GABRG3: variants seen among roughly 807,000 people sequenced by gnomAD.
GABRG3 encodes gamma-aminobutyric acid receptor subunit gamma-3.
A neutral mutation model predicts 48.8 loss-of-function variants in GABRG3; 25 were observed. The observed-to-expected ratio is 0.51, with a 90% CI of 0.37 to 0.72. GABRG3 has a LOEUF of 0.72. GABRG3 is among the 30% of genes least tolerant of loss of function. The pLI is 0.00. For synonymous variants in GABRG3, 227 were observed against 217.6 expected (o/e 1.04, Z -0.38); for missense variants, 394 against 577.9 (o/e 0.68, Z 3.26).
At chr15:27,235,341 C>T (rs774466508) in intron 3 of GABRG3, among the ~76,000 whole-genome samples, 3 of 152,158 alleles carry the variant, frequency 2.0e-5, no homozygotes, top group Non-Finnish European at 4.4e-5. Flanking sequence ...GGTGAACCGC[C>T]ACAGCCCAGC....
At chr15:27,407,385 C>T (rs576416438) in intron 5 of GABRG3, among the ~76,000 whole-genome samples, 96 of 152,308 alleles carry the variant, frequency 6.3e-4, no homozygotes, top group Admixed American at 1.4e-3. Flanking sequence ...TGGTAGCACA[C>T]TTTGGAGACA....
At chr15:27,338,283 C>T (rs1383878143) in intron 5 of GABRG3, among the ~76,000 whole-genome samples, 1 of 152,154 alleles carries the variant, frequency 6.6e-6, no homozygotes, top group East Asian at 1.9e-4. Context: ...TTCTTGTGGA[C>T]GTGCTGTTAA....
At position 27,308,570 on chromosome 15, in the gene GABRG3, C is replaced by T. The variant is rs1892840813; in HGVS notation, c.271-18239C>T. On this transcript the variant is annotated intron_variant, in intron 3 of 9. Coordinates refer to ENST00000615808, the MANE Select transcript of GABRG3 (RefSeq NM_033223.5). Reference sequence around the variant, plus strand: ...ATGTAAACATACATGTTTATATAAACATAATGTAAACATACATTTATATAT... The same window carrying T: ...ATGTAAACATACATGTTTATATAAATATAATGTAAACATACATTTATATAT... Among the ~76,000 whole-genome samples the T allele has an allele frequency of 8.2e-5, 12 of 146,520 alleles. 1 individual carries two copies. The South Asian group carries it at 2.7e-3, about 33-fold the overall frequency.
At chr15:27,231,399 C>T (rs1418929259) in intron 3 of GABRG3, among the ~76,000 whole-genome samples, 3 of 152,208 alleles carry the variant, frequency 2.0e-5, no homozygotes, top group Non-Finnish European at 4.4e-5. Flanking sequence ...CTTTGCAGAA[C>T]AAAGCTTGAA....
At chr15:26,977,739 G>T (rs1894978877) in intron 2 of GABRG3, among the ~76,000 whole-genome samples, 1 of 152,094 alleles carries the variant, frequency 6.6e-6, no homozygotes, top group Non-Finnish European at 1.5e-5. Context: ...GGAACATTTT[G>T]ATTGTTTCCT....
At chr15:27,287,305 T>C (rs551195779) in intron 3 of GABRG3, among the ~76,000 whole-genome samples, 1 of 152,214 alleles carries the variant, frequency 6.6e-6, no homozygotes, top group Non-Finnish European at 1.5e-5. Flanking sequence ...GCCAAAGGTA[T>C]GGACCAGGGA....
intron 5 of GABRG3, among the ~76,000 whole-genome samples, chr15:27,429,544 A>G (rs1468709380): frequency 2.0e-5 from 3 of 152,146 alleles, no homozygotes; most frequent in Non-Finnish European, 4.4e-5. Context: ...TATTTTCATC[A>G]CCCTAAAAAT....
intron 5 of GABRG3, among the ~76,000 whole-genome samples, chr15:27,419,690 A>G (rs116478657): frequency 3.3e-5 from 5 of 152,294 alleles, no homozygotes; most frequent in Non-Finnish European, 5.9e-5. Context: ...GATTTTCACT[A>G]AAGGAGAAAA....
intron 5 of GABRG3, among the ~76,000 whole-genome samples, chr15:27,337,009 A>G (rs1004261554): frequency 6.6e-6 from 1 of 152,220 alleles, no homozygotes; most frequent in East Asian, 1.9e-4. Flanking sequence ...TATTTAAAAA[A>G]TGAAAGAAGA....
rs1441536732 is a variant in GABRG3, at chr15:27,216,777, A to ATTT, written c.271-110032_271-110031insTTT. Among the ~76,000 whole-genome samples the ATTT allele has an allele frequency of 8.8e-3, 524 of 59,854 alleles. 2 individuals carry two copies. The highest frequency in any genetic ancestry group is 0.034 in the African/African-American group (475 of 13,932). 39.3% of individuals were successfully genotyped at this position (59,854 alleles called of 152,430 possible). A position where few individuals can be genotyped will look rare whatever the true frequency, so the allele number is the denominator to read the frequency against. On this transcript the variant is annotated intron_variant, in intron 3 of 9. Transcript: ENST00000615808. ...TTATTTATTTATTTATTTATTTTTT[A>ATTT]ATTTTTTTTTTTATTATACTCTAAG...
chr15:27,417,771 G>A (rs937681988), intron 5 of GABRG3, among the ~76,000 whole-genome samples: 1 of 152,194 alleles, frequency 6.6e-6, no homozygotes, highest in Non-Finnish European at 1.5e-5. Context: ...CTGGGCAGGG[G>A]TTCCCTTTGT....
At chr15:27,485,729 G>T (rs550009143) in intron 6 of GABRG3, among the ~76,000 whole-genome samples, 1 of 152,044 alleles carries the variant, frequency 6.6e-6, no homozygotes, top group Non-Finnish European at 1.5e-5. Context: ...AATAACACAG[G>T]TATCTGACTT....
intron 2 of GABRG3, among the ~76,000 whole-genome samples, chr15:27,019,554 A>G (rs1468602767): frequency 6.6e-6 from 1 of 152,240 alleles, no homozygotes; most frequent in Non-Finnish European, 1.5e-5. Flanking sequence ...CAAACTGCTT[A>G]TGACAGTGCC....
chr15:27,438,489 C>T (rs1436079843), intron 5 of GABRG3, among the ~76,000 whole-genome samples: 1 of 152,214 alleles, frequency 6.6e-6, no homozygotes, highest in Non-Finnish European at 1.5e-5. Flanking sequence ...CTTGGGAAAA[C>T]TACGAAATGC....
In GABRG3 at chr15:27,388,391, AGG is replaced by A. The variant is rs1566818836; in HGVS notation, c.574+59505_574+59506del. ...AAGAAAGGAAGGAAGGAAGGAAAGG[AGG>A]GAGGGAGGGGAAGGAAGGAAGGGGA... On this transcript the variant is annotated intron_variant, in intron 5 of 9. Coordinates refer to ENST00000615808, the MANE Select transcript of GABRG3 (RefSeq NM_033223.5). Among the ~76,000 whole-genome samples the A allele has an allele frequency of 3.8e-4, 50 of 133,234 alleles. 3 individuals carry two copies. Among genetic ancestry groups the A allele is most frequent in the African/African-American group, 1.3e-3 (46 of 34,372 alleles). The allele number at this position is 133,234 out of a possible 152,430, so 87.4% of individuals were successfully genotyped here.
chr15:27,117,194 C>G (rs931277818), intron 3 of GABRG3, among the ~76,000 whole-genome samples: 3 of 152,310 alleles, frequency 2.0e-5, no homozygotes, highest in African/African-American at 7.2e-5. Flanking sequence ...TTGTTTCTTA[C>G]CTTGAACTCC....
rs747465160 is a variant in GABRG3, at chr15:26,990,170, CTT to C, written c.202+13022_202+13023del. On this transcript the variant is annotated intron_variant, in intron 2 of 9. Transcript: ENST00000615808. ...GTGGAATTGCTGGATCATATGGCAG[CTT>C]TGTTTATAGTTTTTTGAAACACTTC... is the stretch of plus-strand genomic sequence containing the variant. 3.3e-4 allele frequency among the ~76,000 whole-genome samples: 50 copies of C among 152,120 alleles called. 1 individual carries two copies. The highest frequency in any genetic ancestry group is 8.3e-4 in the South Asian group (4 of 4,836).
At chr15:27,375,297 G>A (rs979339200) in intron 5 of GABRG3, among the ~76,000 whole-genome samples, 2 of 152,178 alleles carry the variant, frequency 1.3e-5, no homozygotes, top group Non-Finnish European at 2.9e-5. Context: ...GAACTTCAGA[G>A]AACAACTTCA....
chr15:27,427,252 T>G (rs2140619076), intron 5 of GABRG3, among the ~76,000 whole-genome samples: 1 of 152,344 alleles, frequency 6.6e-6, no homozygotes, highest in South Asian at 2.1e-4. Flanking sequence ...GCACTTTCTA[T>G]ATACACAATC....
Sources: allele counts gnomAD v4.1 joint callset (sites outside exome capture counted in the v4.1 genomes callset), GRCh38; gene constraint gnomAD v4.1.1; transcripts MANE v1.5; gene names NCBI Gene and HGNC (gene_info 2026-07-23, HGNC 2026-07-21).